TNIK: variants seen among roughly 807,000 people sequenced by gnomAD.
TNIK encodes the protein TRAF2 and NCK interacting kinase.
In TNIK, 49 loss-of-function variants were observed where a neutral mutation model predicts 191.3. The ratio of observed to expected loss-of-function variants is 0.26; its 90% CI spans 0.20 to 0.32. TNIK has a LOEUF of 0.32. Ranked by LOEUF, TNIK falls within the 10% of genes least tolerant of loss-of-function variation. The pLI is 1.00. For synonymous variants in TNIK, 594 were observed against 600.9 expected (o/e 0.99, Z 0.17); for missense variants, 1,155 against 1,702.3 (o/e 0.68, Z 5.66).
At position 171,095,949 on chromosome 3, in the gene TNIK, A is replaced by G. The variant is rs554225036; in HGVS notation, c.2592-1981T>C. Among the ~76,000 whole-genome samples the G allele has an allele frequency of 9.2e-5, 14 of 152,322 alleles. No homozygotes were observed. The South Asian group carries it at 1.4e-3, about 16-fold the overall frequency. Reference sequence around the variant, plus strand: ...TCCTGGCATTTTGATAGATTGGTAAATCAGTTTTCAAAATATCATTTCTTC... The same window carrying G: ...TCCTGGCATTTTGATAGATTGGTAAGTCAGTTTTCAAAATATCATTTCTTC... On this transcript the variant is annotated intron_variant, in intron 22 of 32. Transcript: ENST00000436636.
At chr3:171,328,836 G>C (rs1312109185) in intron 2 of TNIK, among the ~76,000 whole-genome samples, 4 of 152,162 alleles carry the variant, frequency 2.6e-5, no homozygotes, top group Non-Finnish European at 5.9e-5. Context: ...TGAGGACAAA[G>C]GCATTCAAAT....
intron 2 of TNIK, among the ~76,000 whole-genome samples, chr3:171,282,137 C>G (rs982884278): frequency 2.0e-5 from 3 of 152,098 alleles, no homozygotes; most frequent in African/African-American, 7.2e-5. Flanking sequence ...ATTCTAGAAT[C>G]AATTGAAATA....
At chr3:171,240,742 A>G (rs955631516) in intron 2 of TNIK, among the ~76,000 whole-genome samples, 4 of 152,158 alleles carry the variant, frequency 2.6e-5, no homozygotes, top group South Asian at 2.1e-4. Flanking sequence ...TCTGGCTGCT[A>G]TATCTAAAAC....
chr3:171,135,951 C>G (rs1254506805), intron 15 of TNIK, among the ~76,000 whole-genome samples: 10 of 152,162 alleles, frequency 6.6e-5, no homozygotes. Flanking sequence ...GAGGACAGAC[C>G]AGTAAATTTA....
intron 27 of TNIK, among the ~76,000 whole-genome samples, chr3:171,080,690 C>T (rs997232224): frequency 3.9e-5 from 6 of 152,014 alleles, no homozygotes; most frequent in African/African-American, 7.2e-5. Flanking sequence ...CCGCCCGCCT[C>T]GGCCTCTCCC....
intron 12 of TNIK, among the ~76,000 whole-genome samples, chr3:171,153,274 GTCTAT>G (rs566009626): frequency 1.1e-4 from 17 of 151,994 alleles, no homozygotes; most frequent in African/African-American, 3.4e-4. Flanking sequence ...TCTCTTCCTT[GTCTAT>G]TCTGAGTTCT....
chr3:171,061,718 A>G lies in TNIK; in HGVS notation c.*2163T>C, dbSNP rs1270818165. 6.6e-6 allele frequency: 1 copy of G among 152,238 alleles called. No individual in the cohort carries two copies. Among genetic ancestry groups the G allele is most frequent in the Non-Finnish European group, 1.5e-5 (1 of 68,044 alleles). 9.4% of individuals were successfully genotyped at this position (152,238 alleles called of 1,614,324 possible). On this transcript the variant is annotated 3_prime_UTR_variant, in exon 33 of 33. Coordinates refer to ENST00000436636, the MANE Select transcript of TNIK (RefSeq NM_015028.4). ...CTGGTGGCAATCACATTCGGGAGTGAAATCGAAATCAATATATTTTGTCCA... is the reference window on the plus strand; with the variant it reads ...CTGGTGGCAATCACATTCGGGAGTGGAATCGAAATCAATATATTTTGTCCA...
chr3:171,363,220 G>A (rs1200191429), intron 2 of TNIK, among the ~76,000 whole-genome samples: 1 of 152,162 alleles, frequency 6.6e-6, no homozygotes, highest in Admixed American at 6.5e-5. Context: ...CAGGAGTGCT[G>A]AGGCTGAGAA....
intron 2 of TNIK, among the ~76,000 whole-genome samples, chr3:171,251,608 C>T (rs143368893): frequency 1.8e-4 from 28 of 152,170 alleles, no homozygotes; most frequent in Admixed American, 1.0e-3. Context: ...TTAGTTGGGG[C>T]CTAATTATCA....
chr3:171,278,928 C>T (rs1324759306), intron 2 of TNIK, among the ~76,000 whole-genome samples: 1 of 152,028 alleles, frequency 6.6e-6, no homozygotes, highest in African/African-American at 2.4e-5. Context: ...TGATACTGCC[C>T]CAAGTTAGTG....
chr3:171,361,738 C>T (rs1001213111), intron 2 of TNIK, among the ~76,000 whole-genome samples: 9 of 152,142 alleles, frequency 5.9e-5, no homozygotes, highest in African/African-American at 2.2e-4. Flanking sequence ...AATCTGCCAC[C>T]TCCTATTGTA....
intron 28 of TNIK, among the ~76,000 whole-genome samples, chr3:171,075,008 G>A (rs959541465): frequency 2.0e-5 from 3 of 152,216 alleles, no homozygotes. Flanking sequence ...GAAGGAAGAC[G>A]TCAGAAATGT....
Position 171,188,716 on chromosome 3 carries a change from T to C in TNIK, c.625A>G (p.Thr209Ala). The change falls in exon 7 of 33, where the codon ACA (threonine) becomes GCA (alanine). Residue 209 changes from threonine to alanine, a missense_variant. Transcript: ENST00000436636. Reference protein sequence around the residue: ...VIACDENPDATYDFKSDLWSL... With the variant: ...VIACDENPDAAYDFKSDLWSL... The stretch of plus-strand genomic sequence containing the variant: ...AGAAGCCATACCTTGAAATCATATG[T>C]GGCATCTGGGTTTTCATCACAGGCA... 6.2e-7 allele frequency: 1 copy of C among 1,613,504 alleles called. No individual in the cohort carries two copies. Among genetic ancestry groups the C allele is most frequent in the East Asian group, 2.2e-5 (1 of 44,870 alleles).
chr3:171,143,888 A>G (rs989788713), intron 12 of TNIK, among the ~76,000 whole-genome samples: 10 of 152,210 alleles, frequency 6.6e-5, no homozygotes, highest in Non-Finnish European at 1.3e-4. Flanking sequence ...CACAGACAGA[A>G]CTGGAGAATG....
intron 12 of TNIK, among the ~76,000 whole-genome samples, chr3:171,143,733 A>G (rs1560175421): frequency 6.6e-6 from 1 of 152,206 alleles, no homozygotes. Context: ...CAGGCCAGCC[A>G]CCAGTGATAT....
At chr3:171,343,206 G>T (rs919065624) in intron 2 of TNIK, among the ~76,000 whole-genome samples, 4 of 152,150 alleles carry the variant, frequency 2.6e-5, no homozygotes, top group Non-Finnish European at 4.4e-5. Flanking sequence ...ATGGAGAGGG[G>T]TGAGCCGTTT....
chr3:171,126,791 ATTATCTC>A (rs1404507323), intron 16 of TNIK, among the ~76,000 whole-genome samples: 1 of 152,206 alleles, frequency 6.6e-6, no homozygotes, highest in African/African-American at 2.4e-5. Flanking sequence ...ATGCTGTCGT[ATTATCTC>A]TTGACACCAG....
chr3:171,096,730 C>G (rs1722774485), intron 22 of TNIK, among the ~76,000 whole-genome samples: 7 of 152,168 alleles, frequency 4.6e-5, no homozygotes, highest in Admixed American at 3.3e-4. Flanking sequence ...ATTCAATACA[C>G]AGTCCTGCAA....
At chr3:171,279,807 G>A (rs1750217743) in intron 2 of TNIK, among the ~76,000 whole-genome samples, 1 of 152,114 alleles carries the variant, frequency 6.6e-6, no homozygotes, top group Non-Finnish European at 1.5e-5. Context: ...GAGATGAACT[G>A]AATTACAGAG....
Sources: gnomAD v4.1 joint callset for allele counts (sites outside exome capture counted in the v4.1 genomes callset) on GRCh38, gnomAD v4.1.1 for gene constraint, MANE v1.5 for transcripts, NCBI Gene and HGNC (gene_info 2026-07-23, HGNC 2026-07-21) for gene names.